The following DOK6 variants were observed in gnomAD, a reference collection of about 807,000 sequenced individuals.
DOK6 encodes the protein docking protein 6, also known as downstream of tyrosine kinase 6.
DOK6 carries 22 observed loss-of-function variants against 44.0 expected under a neutral mutation model. The observed-to-expected ratio is 0.50, with a 90% CI of 0.36 to 0.71. The LOEUF is 0.71. Ranked by LOEUF, DOK6 falls within the 30% of genes least tolerant of loss-of-function variation. The pLI is 0.00. For missense variants in DOK6, 340 were observed against 416.4 expected (o/e 0.82, Z 1.60); for synonymous variants, 166 against 145.5 (o/e 1.14, Z -1.01).
rs1457794884 is a variant in DOK6, at chr18:69,847,262, T to C, written c.*5879T>C. ...ATGTTAGCAGTTGAAACAATTAAGT[T>C]CCTCACTCTTTCCTGCTTTTAGGAT... is the stretch of plus-strand genomic sequence containing the variant. On this transcript the variant is annotated 3_prime_UTR_variant, in exon 8 of 8. Coordinates refer to ENST00000382713, the MANE Select transcript of DOK6 (RefSeq NM_152721.6). 1 of 152,154 alleles carries C rather than the reference T, an allele frequency of 6.6e-6. No homozygotes were observed. The highest frequency in any genetic ancestry group is 1.5e-5 in the Non-Finnish European group (1 of 68,024). 9.4% of individuals were successfully genotyped at this position (152,154 alleles called of 1,614,324 possible). A position where few individuals can be genotyped will look rare whatever the true frequency, so the allele number is the denominator to read the frequency against.
intron 1 of DOK6, among the ~76,000 whole-genome samples, chr18:69,438,644 A>G (rs551517189): frequency 2.2e-4 from 34 of 152,300 alleles, no homozygotes; most frequent in African/African-American, 6.0e-4. Flanking sequence ...ACTTTACCCA[A>G]TTCCATCAGA....
chr18:69,527,934 C>T (rs543850205), intron 1 of DOK6, among the ~76,000 whole-genome samples: 152 of 152,140 alleles, frequency 1.0e-3, no homozygotes, highest in African/African-American at 2.9e-3. Flanking sequence ...GAGGCCAAGG[C>T]GGGCGGATCA....
chr18:69,426,421 T>G (rs1362245853), intron 1 of DOK6, among the ~76,000 whole-genome samples: 4 of 152,218 alleles, frequency 2.6e-5, no homozygotes, highest in Non-Finnish European at 5.9e-5. Flanking sequence ...TATACGCATT[T>G]CAGGCATTAC....
rs190472933 is a variant in DOK6 at position 69,485,025 on chromosome 18, G to T, written c.67-79462G>T. The stretch of plus-strand genomic sequence containing the variant: ...CCCTTTCTCTTTCTGAGAAAGTGCA[G>T]TGAATATTGATTGGGGGGTTACAAA... On this transcript the variant is annotated intron_variant, in intron 1 of 7. Transcript: ENST00000382713. Among the ~76,000 whole-genome samples, 15 of 152,264 alleles carry T rather than the reference G, an allele frequency of 9.9e-5. No homozygotes were observed. The East Asian group carries it at 2.9e-3, about 29-fold the overall frequency.
At chr18:69,534,494 T>C (rs761960964) in intron 1 of DOK6, among the ~76,000 whole-genome samples, 4 of 152,132 alleles carry the variant, frequency 2.6e-5, no homozygotes, top group Non-Finnish European at 4.4e-5. Flanking sequence ...TATTTGCTTC[T>C]AAATTTTTTT....
intron 2 of DOK6, among the ~76,000 whole-genome samples, chr18:69,577,504 G>A (rs572428121): frequency 9.5e-4 from 145 of 152,132 alleles, no homozygotes; most frequent in African/African-American, 3.3e-3. Context: ...TATACACATC[G>A]GTTTCTAGGA....
Position 69,739,119 on chromosome 18 carries a change from T to C in DOK6, c.738+16T>C, listed in dbSNP as rs758310250. 8 of 1,613,264 alleles carry C rather than the reference T, an allele frequency of 5.0e-6. No individual in the cohort carries two copies. The highest frequency in any genetic ancestry group is 6.8e-6 in the Non-Finnish European group (8 of 1,179,478). On this transcript the variant is annotated intron_variant, in intron 6 of 7. Coordinates refer to ENST00000382713, the MANE Select transcript of DOK6 (RefSeq NM_152721.6). ...GAAGGCCCGGGTAAGGCCCCTTCCT[T>C]GGTAACCTATCAGCTTGGAAATGAA...
intron 5 of DOK6, among the ~76,000 whole-genome samples, chr18:69,727,219 T>G (rs1296277284): frequency 2.0e-5 from 3 of 152,064 alleles, no homozygotes; most frequent in Admixed American, 1.3e-4. Flanking sequence ...ATGACCTACT[T>G]ACCTCCCAAA....
At chr18:69,686,160 AAG>A (rs1568333414) in intron 4 of DOK6, among the ~76,000 whole-genome samples, 1 of 152,094 alleles carries the variant, frequency 6.6e-6, no homozygotes, top group African/African-American at 2.4e-5. Flanking sequence ...GTACAAGCTG[AAG>A]AGAGAGGCCT....
intron 1 of DOK6, among the ~76,000 whole-genome samples, chr18:69,465,699 T>C (rs1032836407): frequency 3.9e-5 from 6 of 152,074 alleles, no homozygotes; most frequent in Non-Finnish European, 8.8e-5. Context: ...CTTAATCCAG[T>C]CTATCATTGT....
chr18:69,563,423 T>A (rs960221015), intron 1 of DOK6, among the ~76,000 whole-genome samples: 2 of 152,140 alleles, frequency 1.3e-5, no homozygotes, highest in African/African-American at 2.4e-5. Context: ...AATGATAGAC[T>A]GCATGAAGAA....
intron 6 of DOK6, among the ~76,000 whole-genome samples, chr18:69,739,817 CAG>C (rs1359336531): frequency 1.3e-5 from 2 of 152,092 alleles, no homozygotes; most frequent in Non-Finnish European, 2.9e-5. Flanking sequence ...AAAGATGCAT[CAG>C]AGTTCATCTA....
At chr18:69,483,726 G>A (rs1255937823) in intron 1 of DOK6, 1 of 152,088 alleles carries the variant, frequency 6.6e-6, no homozygotes, top group Non-Finnish European at 1.5e-5. Context: ...AAGTTTGCAG[G>A]ATAGACTTGC....
At position 69,844,502 on chromosome 18, in the gene DOK6, T is replaced by C. The variant is rs1982305276; in HGVS notation, c.*3119T>C. 6.6e-6 allele frequency: 1 copy of C among 152,146 alleles called. No individual in the cohort carries two copies. The highest frequency in any genetic ancestry group is 2.4e-5 in the African/African-American group (1 of 41,426). 9.4% of individuals were successfully genotyped at this position (152,146 alleles called of 1,614,324 possible). On this transcript the variant is annotated 3_prime_UTR_variant, in exon 8 of 8. Coordinates refer to ENST00000382713, the MANE Select transcript of DOK6 (RefSeq NM_152721.6). ...AATCAATGTACACATGATTGATGCA[T>C]GATATTACACTTAAAATGCAGGAGA...
At chr18:69,557,377 G>T (rs562334526) in intron 1 of DOK6, among the ~76,000 whole-genome samples, 2 of 152,232 alleles carry the variant, frequency 1.3e-5, no homozygotes, top group South Asian at 4.1e-4. Flanking sequence ...GCTAAATAAC[G>T]TAATTACGGC....
At chr18:69,462,649 T>C (rs572148390) in intron 1 of DOK6, among the ~76,000 whole-genome samples, 11 of 152,370 alleles carry the variant, frequency 7.2e-5, no homozygotes, top group Admixed American at 2.0e-4. Context: ...GTGAATTGCT[T>C]TGGCTTTAAA....
chr18:69,503,269 A>G (rs1981095144), intron 1 of DOK6, among the ~76,000 whole-genome samples: 1 of 152,128 alleles, frequency 6.6e-6, no homozygotes, highest in Admixed American at 6.5e-5. Context: ...AACAGGAACC[A>G]AGTGTTGTGC....
intron 7 of DOK6, among the ~76,000 whole-genome samples, chr18:69,779,562 A>G (rs1980190194): frequency 6.6e-6 from 1 of 152,144 alleles, no homozygotes; most frequent in African/African-American, 2.4e-5. Context: ...CTTGTAATAG[A>G]AATTGTAAAT....
At chr18:69,603,748 G>A (rs1169508462) in intron 3 of DOK6, among the ~76,000 whole-genome samples, 4 of 145,542 alleles carry the variant, frequency 2.7e-5, no homozygotes, top group Non-Finnish European at 4.5e-5. Context: ...TCCAGCCTGG[G>A]CGACAGAGCG....
Sources: gnomAD v4.1 joint callset for allele counts (sites outside exome capture counted in the v4.1 genomes callset) on GRCh38, gnomAD v4.1.1 for gene constraint, MANE v1.5 for transcripts, NCBI Gene and HGNC (gene_info 2026-07-23, HGNC 2026-07-21) for gene names.